The following DSE variants were observed in gnomAD, a reference collection of about 807,000 sequenced individuals.
DSE encodes the protein dermatan-sulfate epimerase.
Under a neutral mutation model 84.4 loss-of-function variants are expected in DSE, and 36 were observed. The observed-to-expected ratio is 0.43, with a 90% CI of 0.33 to 0.56. The LOEUF (loss-of-function observed/expected upper bound fraction) is 0.56. Among genes scored for constraint, DSE ranks in the 20% least tolerant of loss-of-function variants. The pLI is 0.06. For missense variants in DSE, 862 were observed against 1,169.6 expected (o/e 0.74, Z 3.84); for synonymous variants, 410 against 430.1 (o/e 0.95, Z 0.58).
intron 2 of DSE, among the ~76,000 whole-genome samples, chr6:116,402,924 GTAAA>G (rs2115002905): frequency 6.6e-6 from 1 of 152,286 alleles, no homozygotes; most frequent in African/African-American, 2.4e-5. Flanking sequence ...CATTTGAATA[GTAAA>G]TAAAGAGGTT....
rs201506078 is a variant in DSE, at chr6:116,428,035, A to G, written c.670+1208A>G. Among the ~76,000 whole-genome samples, 7 of 152,298 alleles carry G rather than the reference A, an allele frequency of 4.6e-5. No individual in the cohort carries two copies. The East Asian group carries it at 1.3e-3, about 29-fold the overall frequency. On this transcript the variant is annotated intron_variant, in intron 3 of 5. Coordinates refer to ENST00000644252, the MANE Select transcript of DSE (RefSeq NM_013352.4). ...GAAATCCCGTCTCTACTAAAAATAC[A>G]AAAATTAGCTGGGCGTTGTGGCGTG...
chr6:116,312,132 A>G (rs181870822), intron 2 of DSE, among the ~76,000 whole-genome samples: 62 of 152,294 alleles, frequency 4.1e-4, no homozygotes, highest in African/African-American at 1.4e-3. Context: ...AGTCCAAGCT[A>G]TGATTTTGCA....
Position 116,436,739 on chromosome 6 carries a change from G to C in DSE, c.2271G>C (p.Glu757Asp). The C allele has an allele frequency of 6.2e-7, 1 of 1,614,184 alleles. No homozygotes were observed. The highest frequency in any genetic ancestry group is 8.5e-7 in the Non-Finnish European group (1 of 1,180,030). Reference protein sequence around the residue: ...QHFKPVFQLLEKQILSRVRNT... With the variant: ...QHFKPVFQLLDKQILSRVRNT... ...TTAAACCAGTGTTTCAGCTGCTGGA[G>C]AAGCAGATACTGTCCCGAGTCCGGA... The change falls in exon 6 of 6, where the codon GAG becomes GAC. Residue 757 changes from glutamate (E) to aspartate (D), a missense_variant. By Grantham distance (45) the Glu-to-Asp change is conservative. Around this residue, in one of 4 missense-constraint regions of DSE, gnomAD observed 315 missense variants for 348.1 expected, o/e 0.90. Transcript: ENST00000644252.
At chr6:116,383,534 A>G (rs2858853) in intron 1 of DSE, among the ~76,000 whole-genome samples, 19,644 of 152,268 alleles carry the variant, frequency 0.13, 1,592 homozygotes, top group African/African-American at 0.21. Context: ...CGCATTAAAC[A>G]TTCATGAACT....
rs571303081 is a variant in DSE, at chr6:116,256,943, G to A, written c.-575-1503G>A. Among the ~76,000 whole-genome samples, 5 of 152,190 alleles carry A rather than the reference G, an allele frequency of 3.3e-5. No individual in the cohort carries two copies. In the East Asian group the frequency reaches 5.8e-4, roughly 18 times the overall value. On this transcript the variant is annotated intron_variant, in intron 1 of 3. Transcript: ENST00000430252. ...ACTTATGATTCTATGGGAAAATATC[G>A]ATAGAAAATGCCATGAAAATCTATG...
intron 1 of DSE, among the ~76,000 whole-genome samples, chr6:116,389,765 C>T (rs867478547): frequency 6.6e-6 from 1 of 152,028 alleles, no homozygotes; most frequent in African/African-American, 2.4e-5. Flanking sequence ...AAAGCTATTG[C>T]TGAGAGAGCC....
At chr6:116,322,548 C>T (rs1776391273) in intron 2 of DSE, among the ~76,000 whole-genome samples, 1 of 148,568 alleles carries the variant, frequency 6.7e-6, no homozygotes, top group Non-Finnish European at 1.5e-5. Flanking sequence ...ATTACTTCTG[C>T]CCCCCCACCC....
intron 1 of DSE, among the ~76,000 whole-genome samples, chr6:116,383,595 C>G (rs1267869925): frequency 1.3e-5 from 2 of 152,188 alleles, no homozygotes; most frequent in African/African-American, 4.8e-5. Context: ...ATTTCAGGCC[C>G]TCGGAGTTTT....
intron 3 of DSE, among the ~76,000 whole-genome samples, chr6:116,429,357 C>G (rs1024863651): frequency 1.3e-5 from 2 of 152,274 alleles, no homozygotes; most frequent in African/African-American, 2.4e-5. Flanking sequence ...AGCCCCACAC[C>G]TGCCACATAG....
At chr6:116,400,840 C>T (rs1046328887) in intron 2 of DSE, 8 of 152,104 alleles carry the variant, frequency 5.3e-5, no homozygotes, top group Non-Finnish European at 7.4e-5. Flanking sequence ...TGTATGAAAA[C>T]TTATCTGATA....
chr6:116,385,004 G>C (rs550800663), intron 1 of DSE, among the ~76,000 whole-genome samples: 2 of 152,230 alleles, frequency 1.3e-5, no homozygotes, highest in Non-Finnish European at 2.9e-5. Context: ...CTCACTGAGA[G>C]AGTGACATTT....
chr6:116,377,874 T>C (rs1780017760), intron 1 of DSE, among the ~76,000 whole-genome samples: 1 of 152,180 alleles, frequency 6.6e-6, no homozygotes, highest in Admixed American at 6.5e-5. Context: ...TTAATATATG[T>C]GAGGACAGAC....
chr6:116,277,137 T>G (rs1197334070), intron 2 of DSE: 1 of 152,586 alleles, frequency 6.6e-6, no homozygotes. Context: ...ACAATAAGTT[T>G]AGAATCAGAA....
intron 2 of DSE, among the ~76,000 whole-genome samples, chr6:116,298,590 T>G (rs1188884618): frequency 6.6e-6 from 1 of 152,216 alleles, no homozygotes; most frequent in Non-Finnish European, 1.5e-5. Flanking sequence ...TACCTTCAGT[T>G]TAACCCCATG....
chr6:116,435,082 C>T (rs1277548270), intron 5 of DSE, among the ~76,000 whole-genome samples: 1 of 152,092 alleles, frequency 6.6e-6, no homozygotes, highest in Non-Finnish European at 1.5e-5. Flanking sequence ...AAGTTCTCCT[C>T]TATTTCAGTT....
chr6:116,279,866 C>G (rs751167981), intron 2 of DSE: 28 of 1,613,038 alleles, frequency 1.7e-5, no homozygotes, highest in South Asian at 1.2e-4. Flanking sequence ...GGCGAACGCC[C>G]GTTTTCCTCA....
intron 2 of DSE, among the ~76,000 whole-genome samples, chr6:116,320,595 A>T (rs1256449669): frequency 1.3e-5 from 2 of 152,146 alleles, no homozygotes; most frequent in Non-Finnish European, 2.9e-5. Context: ...GAATTAAACA[A>T]CAAAAATTTA....
intron 2 of DSE, among the ~76,000 whole-genome samples, chr6:116,357,348 C>A (rs907577422): frequency 6.6e-6 from 1 of 152,000 alleles, no homozygotes; most frequent in Non-Finnish European, 1.5e-5. Context: ...CTGGCTAACA[C>A]GGTGAAACCC....
At chr6:116,375,955 G>A (rs944473006) in intron 1 of DSE, among the ~76,000 whole-genome samples, 3 of 151,868 alleles carry the variant, frequency 2.0e-5, no homozygotes, top group Non-Finnish European at 4.4e-5. Context: ...AGTCATTAGT[G>A]GTATACCTTA....
Sources: allele counts gnomAD v4.1 joint callset (sites outside exome capture counted in the v4.1 genomes callset), GRCh38; gene constraint gnomAD v4.1.1; regional missense constraint gnomAD v4.1.1; transcripts MANE v1.5; gene names NCBI Gene and HGNC (gene_info 2026-07-23, HGNC 2026-07-21).